PPP1R9A: variants seen among roughly 807,000 people sequenced by gnomAD.
PPP1R9A encodes neurabin-1.
A neutral mutation model predicts 141.9 loss-of-function variants in PPP1R9A; 59 were observed. The observed-to-expected ratio is 0.42, with a 90% confidence interval of 0.34 to 0.52. PPP1R9A has a LOEUF of 0.52. Among genes scored for constraint, PPP1R9A ranks in the 20% least tolerant of loss-of-function variants. The probability of loss-of-function intolerance (pLI) is 0.10; values close to 1 mark genes in which losing one functional copy is unlikely to be tolerated. For missense variants in PPP1R9A, 1,444 were observed against 1,611.9 expected (o/e 0.90, Z 1.78); for synonymous variants, 500 against 569.7 (o/e 0.88, Z 1.74).
intron 2 of PPP1R9A, among the ~76,000 whole-genome samples, chr7:95,040,567 A>G (rs1479804097): frequency 1.3e-5 from 2 of 151,980 alleles, no homozygotes; most frequent in Non-Finnish European, 2.9e-5. Flanking sequence ...TCAGAACTTG[A>G]CCTTTGTTAT....
intron 5 of PPP1R9A, among the ~76,000 whole-genome samples, chr7:95,181,688 ACATATATATAGAATATATATATATTCCG>A (rs1585117452): frequency 7.5e-6 from 1 of 132,452 alleles, no homozygotes; most frequent in Non-Finnish European, 1.6e-5. Flanking sequence ...ATATTCCGTC[ACATATATATAGAATATATATATATTCCG>A]TCACATATAT....
At chr7:95,277,922 G>A (rs368152037) in intron 16 of PPP1R9A, among the ~76,000 whole-genome samples, 9 of 152,238 alleles carry the variant, frequency 5.9e-5, no homozygotes, top group African/African-American at 1.7e-4. Context: ...GTGTAGTCAC[G>A]GAATGGAAAA....
In PPP1R9A at chr7:95,273,754, C is replaced by T. The variant is rs917433782; in HGVS notation, c.3125-145C>T. Reference sequence around the variant, plus strand: ...CGAGTTCCTCAATGTAACTGTGTCTCCTAGGTCGTATAAGAAGGCATTGAT... The same window carrying T: ...CGAGTTCCTCAATGTAACTGTGTCTTCTAGGTCGTATAAGAAGGCATTGAT... On this transcript the variant is annotated intron_variant, in intron 14 of 19. Coordinates refer to ENST00000433360, the MANE Select transcript of PPP1R9A (RefSeq NM_001166160.2). The T allele has an allele frequency of 1.7e-5, 13 of 780,794 alleles. 1 individual carries two copies. Among genetic ancestry groups the T allele is most frequent in the Middle Eastern group, 3.8e-4 (1 of 2,662 alleles). The allele number at this position is 780,794 out of a possible 1,614,324, so 48.4% of individuals were successfully genotyped here. A position where few individuals can be genotyped will look rare whatever the true frequency, so the allele number is the denominator to read the frequency against.
chr7:94,950,654 T>C lies in PPP1R9A; in HGVS notation c.1395+39146T>C, dbSNP rs548894918. Reference sequence around the variant, plus strand: ...CTTTGGGTCTTCTTTAATATATTTATTATATAATTATACAACTTTTGTTTA... The same window carrying C: ...CTTTGGGTCTTCTTTAATATATTTACTATATAATTATACAACTTTTGTTTA... On this transcript the variant is annotated intron_variant, in intron 2 of 19. Coordinates refer to ENST00000433360, the MANE Select transcript of PPP1R9A (RefSeq NM_001166160.2). 2.0e-5 allele frequency among the ~76,000 whole-genome samples: 3 copies of C among 152,174 alleles called. No homozygotes were observed. In the East Asian group the frequency reaches 5.8e-4, roughly 29 times the overall value.
intron 2 of PPP1R9A, among the ~76,000 whole-genome samples, chr7:94,995,476 G>A (rs939049046): frequency 7.9e-5 from 12 of 151,636 alleles, no homozygotes; most frequent in African/African-American, 2.9e-4. Context: ...TTTACTTGAT[G>A]CTCTTTTAAT....
At chr7:95,154,326 A>T (rs73220031) in intron 4 of PPP1R9A, among the ~76,000 whole-genome samples, 90,867 of 151,812 alleles carry the variant, frequency 0.6, 27,804 homozygotes, top group African/African-American at 0.73. Context: ...TACATTTTTT[A>T]AAAAGTTTCT....
chr7:95,150,298 A>G (rs887674371), intron 4 of PPP1R9A, among the ~76,000 whole-genome samples: 61 of 152,078 alleles, frequency 4.0e-4, no homozygotes, highest in African/African-American at 1.4e-3. Context: ...AGGTATGGCA[A>G]TGACTTTTTA....
At chr7:95,160,666 G>C (rs1404080100) in intron 4 of PPP1R9A, among the ~76,000 whole-genome samples, 1 of 151,910 alleles carries the variant, frequency 6.6e-6, no homozygotes, top group Non-Finnish European at 1.5e-5. Flanking sequence ...TTCAGCCCTT[G>C]CTTCCCTCTC....
chr7:95,206,322 T>G (rs1307000467), intron 7 of PPP1R9A, among the ~76,000 whole-genome samples: 1 of 152,216 alleles, frequency 6.6e-6, no homozygotes, highest in Non-Finnish European at 1.5e-5. Context: ...TCTAATTGAT[T>G]TCTGAAGTTT....
intron 2 of PPP1R9A, among the ~76,000 whole-genome samples, chr7:95,050,260 T>C (rs1167092878): frequency 6.6e-6 from 1 of 152,234 alleles, no homozygotes; most frequent in East Asian, 1.9e-4. Context: ...TTTCATCTAC[T>C]TATTTACCAT....
At chr7:95,090,308 C>A (rs1433742320) in intron 2 of PPP1R9A, among the ~76,000 whole-genome samples, 3 of 151,792 alleles carry the variant, frequency 2.0e-5, no homozygotes, top group Non-Finnish European at 4.4e-5. Flanking sequence ...GTATCATAGT[C>A]TCATCATTGT....
intron 4 of PPP1R9A, among the ~76,000 whole-genome samples, chr7:95,158,244 A>C (rs1362451511): frequency 6.6e-6 from 1 of 152,248 alleles, no homozygotes; most frequent in African/African-American, 2.4e-5. Context: ...TTGTTTGGCC[A>C]GTTGTTTATA....
chr7:95,198,952 G>A (rs1489702098), intron 6 of PPP1R9A, among the ~76,000 whole-genome samples: 5 of 152,124 alleles, frequency 3.3e-5, no homozygotes, highest in Non-Finnish European at 2.9e-5. Flanking sequence ...TGTTTCCAGT[G>A]TCTTTTTCCC....
At chr7:94,958,859 A>C (rs1797329346) in intron 2 of PPP1R9A, among the ~76,000 whole-genome samples, 1 of 152,018 alleles carries the variant, frequency 6.6e-6, no homozygotes, top group Non-Finnish European at 1.5e-5. Flanking sequence ...TTTCCCTAAG[A>C]GCTTTTATGA....
chr7:95,270,813 G>A (rs1053898855), intron 14 of PPP1R9A, among the ~76,000 whole-genome samples: 2 of 152,150 alleles, frequency 1.3e-5, no homozygotes, highest in African/African-American at 2.4e-5. Flanking sequence ...TGACCCAGAA[G>A]ATGTGTTCAA....
chr7:95,013,529 C>T (rs962810040), intron 2 of PPP1R9A, among the ~76,000 whole-genome samples: 1 of 152,096 alleles, frequency 6.6e-6, no homozygotes, highest in African/African-American at 2.4e-5. Flanking sequence ...AGATGATATA[C>T]AAGTAATAGA....
intron 2 of PPP1R9A, among the ~76,000 whole-genome samples, chr7:94,994,559 AT>A (rs1404541976): frequency 6.6e-6 from 1 of 152,140 alleles, no homozygotes; most frequent in Non-Finnish European, 1.5e-5. Flanking sequence ...ATAATGTTAG[AT>A]TTTTAAGTTA....
At chr7:95,098,778 C>G (rs1036164094) in intron 2 of PPP1R9A, among the ~76,000 whole-genome samples, 6 of 152,104 alleles carry the variant, frequency 3.9e-5, no homozygotes, top group African/African-American at 1.4e-4. Context: ...TCCCAAGGTA[C>G]TCAAGACCTC....
At chr7:95,251,619 A>G (rs1563501955) in intron 10 of PPP1R9A, 143 bp from the exon 11 acceptor site, 1 of 727,000 alleles carries the variant, frequency 1.4e-6, no homozygotes, top group Non-Finnish European at 2.1e-6. Flanking sequence ...TTTCATTACT[A>G]TACTTTTTCC....
Sources: allele counts gnomAD v4.1 joint callset (sites outside exome capture counted in the v4.1 genomes callset), GRCh38; gene constraint gnomAD v4.1.1; transcripts MANE v1.5; gene names NCBI Gene and HGNC (gene_info 2026-07-23, HGNC 2026-07-21).